Variants in GPR39 observed in about 807,000 individuals in gnomAD.
GPR39 encodes zinc sensing receptor.
In GPR39, 23 loss-of-function variants were observed where a neutral mutation model predicts 18.4. That is an observed-to-expected ratio of 1.25 (90% CI 0.90 to 1.77). GPR39 has a LOEUF of 1.77. Among genes scored for constraint, GPR39 ranks in the 40% most tolerant of loss-of-function variants. The probability of loss-of-function intolerance (pLI) is 0.00; values close to 1 mark genes in which losing one functional copy is unlikely to be tolerated. For missense variants in GPR39, 647 were observed against 602.4 expected, an observed-to-expected ratio of 1.07 and a Z score of -0.78; for synonymous variants, 280 against 257.9, an observed-to-expected ratio of 1.09 and a Z score of -0.82.
intron 1 of GPR39, among the ~76,000 whole-genome samples, chr2:132,565,238 A>G (rs1558841649): frequency 6.6e-6 from 1 of 152,058 alleles, no homozygotes; most frequent in Non-Finnish European, 1.5e-5. Context: ...TAGCCAAGTC[A>G]TTTGTCAATG....
intron 1 of GPR39, among the ~76,000 whole-genome samples, chr2:132,586,473 G>A (rs781399770): frequency 6.6e-6 from 1 of 152,140 alleles, no homozygotes; most frequent in Non-Finnish European, 1.5e-5. Context: ...ACCATCTGTT[G>A]TCTGCGTGTT....
At chr2:132,568,813 A>G (rs1290030739) in intron 1 of GPR39, among the ~76,000 whole-genome samples, 4 of 152,110 alleles carry the variant, frequency 2.6e-5, no homozygotes, top group Non-Finnish European at 5.9e-5. Flanking sequence ...CCTGCTAAAC[A>G]TGCACAGCAC....
intron 1 of GPR39, among the ~76,000 whole-genome samples, chr2:132,626,778 T>C (rs1681551476): frequency 6.6e-6 from 1 of 152,150 alleles, no homozygotes; most frequent in African/African-American, 2.4e-5. Flanking sequence ...GCCACTACAT[T>C]AAAGACATTT....
chr2:132,590,689 T>G (rs577025876), intron 1 of GPR39, among the ~76,000 whole-genome samples: 18 of 149,858 alleles, frequency 1.2e-4, no homozygotes, highest in Non-Finnish European at 2.5e-4. Context: ...TCATCCTTAC[T>G]GTCAGCATGA....
At position 132,646,341 on chromosome 2, in the gene GPR39, C is replaced by T. The variant is rs1367796178; in HGVS notation, c.*735C>T. 5 of 1,208,316 alleles carry T rather than the reference C, an allele frequency of 4.1e-6. No homozygotes were observed. In the African/African-American group the frequency reaches 4.7e-5, roughly 11 times the overall value. 74.8% of individuals were successfully genotyped at this position (1,208,316 alleles called of 1,614,324 possible). A position where few individuals can be genotyped will look rare whatever the true frequency, so the allele number is the denominator to read the frequency against. On this transcript the variant is annotated 3_prime_UTR_variant, in exon 2 of 2. Transcript: ENST00000329321. ...CACCGGCAAAAGAATAGCTGTCCCT[C>T]TCAGCCCAAATCCAAACGGACAGCT...
chr2:132,496,649 T>C (rs1448452126), intron 1 of GPR39, among the ~76,000 whole-genome samples: 1 of 152,190 alleles, frequency 6.6e-6, no homozygotes, highest in East Asian at 1.9e-4. Flanking sequence ...TCTGAGTCTG[T>C]TGGAGATTAG....
intron 1 of GPR39, among the ~76,000 whole-genome samples, chr2:132,492,944 CATATATACACCAT>C (rs1304725680): frequency 8.7e-5 from 12 of 138,154 alleles, no homozygotes; most frequent in South Asian, 2.3e-4. Flanking sequence ...ATATACACAC[CATATATACACCAT>C]ATATATACAC....
intron 1 of GPR39, among the ~76,000 whole-genome samples, chr2:132,627,263 G>A (rs1681566626): frequency 6.6e-6 from 1 of 152,166 alleles, no homozygotes; most frequent in Non-Finnish European, 1.5e-5. Flanking sequence ...GGGATTGTCA[G>A]GGACAATGGC....
intron 1 of GPR39, among the ~76,000 whole-genome samples, chr2:132,621,062 T>A (rs1681432775): frequency 6.6e-6 from 1 of 151,974 alleles, no homozygotes; most frequent in Admixed American, 6.6e-5. Context: ...ACCTTCACAT[T>A]TTAAATATGT....
At chr2:132,533,536 A>T (rs1462180237) in intron 1 of GPR39, among the ~76,000 whole-genome samples, 1 of 150,862 alleles carries the variant, frequency 6.6e-6, no homozygotes, top group African/African-American at 2.4e-5. Flanking sequence ...CCGCATTGCC[A>T]AGTCAATCCT....
intron 1 of GPR39, among the ~76,000 whole-genome samples, chr2:132,507,188 C>T (rs974673391): frequency 1.3e-5 from 2 of 151,972 alleles, no homozygotes; most frequent in Admixed American, 1.3e-4. Context: ...ACCATAGCAG[C>T]ATATAATTAG....
chr2:132,458,784 G>T lies in GPR39; in HGVS notation c.856+40886G>T, dbSNP rs1680781693. Among the ~76,000 whole-genome samples, 4 of 152,054 alleles carry T rather than the reference G, an allele frequency of 2.6e-5. No homozygotes were observed. The South Asian group carries it at 8.3e-4, about 32-fold the overall frequency. On this transcript the variant is annotated intron_variant, in intron 1 of 1. Coordinates refer to ENST00000329321, the MANE Select transcript of GPR39 (RefSeq NM_001508.3). ...CAAGGAAAAATTTTTCTTCACTGCA[G>T]TGTTTTGTATGAATCCTTTTAGCCT...
intron 1 of GPR39, among the ~76,000 whole-genome samples, chr2:132,521,707 C>G (rs940176752): frequency 3.3e-5 from 5 of 152,154 alleles, no homozygotes; most frequent in African/African-American, 1.2e-4. Flanking sequence ...TCTTTTCCCC[C>G]CCTTATTAAA....
At chr2:132,546,127 G>A (rs1679944405) in intron 1 of GPR39, among the ~76,000 whole-genome samples, 1 of 152,218 alleles carries the variant, frequency 6.6e-6, no homozygotes. Context: ...TTAAGAGTTG[G>A]TGAGTGGAGA....
chr2:132,527,762 C>G (rs185541511), intron 1 of GPR39, among the ~76,000 whole-genome samples: 4 of 152,264 alleles, frequency 2.6e-5, no homozygotes, highest in Admixed American at 2.0e-4. Context: ...CTGTTCATAT[C>G]CTACTCCCAC....
chr2:132,638,134 G>T (rs1681795981), intron 1 of GPR39, among the ~76,000 whole-genome samples: 1 of 152,092 alleles, frequency 6.6e-6, no homozygotes, highest in South Asian at 2.1e-4. Context: ...AGAGACAGAG[G>T]GAGAAAGGAT....
intron 1 of GPR39, among the ~76,000 whole-genome samples, chr2:132,457,581 C>T (rs986578177): frequency 5.9e-5 from 9 of 152,194 alleles, no homozygotes; most frequent in African/African-American, 1.9e-4. Flanking sequence ...TTAGGCTACA[C>T]GGGGTTCAGG....
intron 1 of GPR39, among the ~76,000 whole-genome samples, chr2:132,550,827 A>C (rs1680028901): frequency 6.6e-6 from 1 of 152,140 alleles, no homozygotes; most frequent in African/African-American, 2.4e-5. Context: ...TTCTGTCCAG[A>C]CTATTTTTAT....
intron 1 of GPR39, among the ~76,000 whole-genome samples, chr2:132,520,967 G>A (rs10191510): frequency 6.6e-6 from 1 of 152,020 alleles, no homozygotes; most frequent in Non-Finnish European, 1.5e-5. Context: ...AGAACACTGA[G>A]TTAAAAACAA....
Sources: allele counts gnomAD v4.1 joint callset (sites outside exome capture counted in the v4.1 genomes callset), GRCh38; gene constraint gnomAD v4.1.1; transcripts MANE v1.5; gene names NCBI Gene and HGNC (gene_info 2026-07-23, HGNC 2026-07-21).